Variants in DCC observed in about 807,000 individuals in gnomAD.
DCC encodes the protein DCC netrin 1 receptor.
In DCC, 58 loss-of-function variants were observed where a neutral mutation model predicts 172.5. The ratio of observed to expected loss-of-function variants is 0.34; its 90% CI spans 0.27 to 0.42. DCC has a LOEUF of 0.42. Among genes scored for constraint, DCC ranks in the 10% least tolerant of loss-of-function variants. The probability of loss-of-function intolerance (pLI) is 1.00; values close to 1 mark genes in which losing one functional copy is unlikely to be tolerated. For synonymous variants in DCC, 709 were observed against 644.5 expected, an observed-to-expected ratio of 1.10 and a Z score of -1.52; for missense variants, 1,740 against 1,791.0, an observed-to-expected ratio of 0.97 and a Z score of 0.51.
At chr18:53,152,511 G>A (rs926500817) in intron 7 of DCC, among the ~76,000 whole-genome samples, 7 of 151,982 alleles carry the variant, frequency 4.6e-5, no homozygotes, top group South Asian at 2.1e-4. Flanking sequence ...TTGGCTTTTC[G>A]TTATCTATAA....
chr18:52,605,389 C>T (rs185741290), intron 1 of DCC, among the ~76,000 whole-genome samples: 3 of 152,112 alleles, frequency 2.0e-5, no homozygotes, highest in Non-Finnish European at 4.4e-5. Flanking sequence ...GCAATTACAA[C>T]TAAGAAGCTA....
intron 15 of DCC, among the ~76,000 whole-genome samples, chr18:53,341,607 C>T (rs1231139645): frequency 6.6e-6 from 1 of 152,154 alleles, no homozygotes; most frequent in African/African-American, 2.4e-5. Context: ...AGTTGATACT[C>T]TTTTAACATA....
chr18:52,853,295 GA>G (rs2039005248), intron 2 of DCC, among the ~76,000 whole-genome samples: 1 of 152,196 alleles, frequency 6.6e-6, no homozygotes, highest in Non-Finnish European at 1.5e-5. Context: ...TTCAAATGAA[GA>G]AGTGAATAAC....
intron 5 of DCC, among the ~76,000 whole-genome samples, chr18:52,952,975 G>T (rs1194763180): frequency 8.5e-6 from 1 of 117,898 alleles, no homozygotes; most frequent in East Asian, 2.7e-4. Context: ...TCCAGCCTGG[G>T]CACCACAGTA....
intron 2 of DCC, among the ~76,000 whole-genome samples, chr18:52,767,799 T>G (rs888436117): frequency 1.3e-5 from 2 of 152,204 alleles, no homozygotes; most frequent in Non-Finnish European, 2.9e-5. Context: ...ATGTTGCCTG[T>G]GTAGTTATGT....
At chr18:53,073,450 T>C (rs2042682715) in intron 7 of DCC, among the ~76,000 whole-genome samples, 1 of 151,944 alleles carries the variant, frequency 6.6e-6, no homozygotes, top group African/African-American at 2.4e-5. Flanking sequence ...GTATGAAACC[T>C]GGGGGGCGGA....
At chr18:52,978,033 G>A (rs2041151137) in intron 5 of DCC, among the ~76,000 whole-genome samples, 1 of 151,794 alleles carries the variant, frequency 6.6e-6, no homozygotes, top group Middle Eastern at 3.2e-3. Flanking sequence ...TAGTTTACAT[G>A]TAGCATGAAG....
intron 1 of DCC, among the ~76,000 whole-genome samples, chr18:52,342,355 G>T (rs1021421969): frequency 2.6e-5 from 4 of 151,586 alleles, no homozygotes; most frequent in African/African-American, 9.7e-5. Flanking sequence ...CTTAGCCGCT[G>T]GTGCTCCCTC....
intron 12 of DCC, among the ~76,000 whole-genome samples, chr18:53,272,039 G>T (rs537401800): frequency 6.6e-6 from 1 of 152,264 alleles, no homozygotes; most frequent in Middle Eastern, 3.4e-3. Flanking sequence ...AGATGTTTCA[G>T]TTACACCCTC....
chr18:52,622,480 GT>G (rs2034498172), intron 1 of DCC, among the ~76,000 whole-genome samples: 1 of 152,192 alleles, frequency 6.6e-6, no homozygotes, highest in African/African-American at 2.4e-5. Context: ...GCTGCTCCAG[GT>G]TCCAACTATG....
At chr18:52,816,713 C>T (rs571029063) in intron 2 of DCC, 3 of 152,228 alleles carry the variant, frequency 2.0e-5, no homozygotes, top group East Asian at 1.9e-4. Flanking sequence ...GGATGACACT[C>T]GCTAGAGAGT....
intron 2 of DCC, among the ~76,000 whole-genome samples, chr18:52,770,021 C>T (rs1444513741): frequency 6.6e-6 from 1 of 152,196 alleles, no homozygotes; most frequent in Non-Finnish European, 1.5e-5. Context: ...CAATATATTT[C>T]ATACACAGAG....
At chr18:52,741,515 T>A (rs6508154) in intron 1 of DCC, among the ~76,000 whole-genome samples, 56,614 of 151,986 alleles carry the variant, frequency 0.37, 12,249 homozygotes, top group East Asian at 0.72. Flanking sequence ...CCCCTCTCAG[T>A]TGTGACAACC....
intron 1 of DCC, among the ~76,000 whole-genome samples, chr18:52,355,859 G>A (rs1342103066): frequency 1.3e-5 from 2 of 152,158 alleles, no homozygotes; most frequent in East Asian, 3.8e-4. Flanking sequence ...AGAATGCAGA[G>A]GGATTGAGTC....
chr18:52,430,930 C>A (rs1311357332), intron 1 of DCC, among the ~76,000 whole-genome samples: 1 of 152,080 alleles, frequency 6.6e-6, no homozygotes, highest in African/African-American at 2.4e-5. Context: ...AATGCCCAAA[C>A]CTTTTAGAGG....
At chr18:52,580,136 CAA>C (rs1016568016) in intron 1 of DCC, among the ~76,000 whole-genome samples, 2 of 152,248 alleles carry the variant, frequency 1.3e-5, no homozygotes, top group African/African-American at 4.8e-5. Flanking sequence ...AATTTCCACT[CAA>C]GAGTGGACCA....
intron 5 of DCC, among the ~76,000 whole-genome samples, chr18:52,929,144 CAGA>C (rs2145498080): frequency 6.6e-6 from 1 of 152,216 alleles, no homozygotes; most frequent in East Asian, 1.9e-4. Flanking sequence ...AGTATTGAGG[CAGA>C]AGTATTCAAC....
intron 8 of DCC, among the ~76,000 whole-genome samples, chr18:53,177,202 G>C (rs2055114300): frequency 6.6e-6 from 1 of 151,378 alleles, no homozygotes; most frequent in South Asian, 2.1e-4. Context: ...GCGGGGGAGG[G>C]ATAGCACTGG....
At chr18:53,153,537 G>A (rs1362947198) in intron 7 of DCC, among the ~76,000 whole-genome samples, 1 of 152,110 alleles carries the variant, frequency 6.6e-6, no homozygotes, top group Non-Finnish European at 1.5e-5. Context: ...GTCTCCGATA[G>A]AATTTTTTCA....
Sources: allele counts gnomAD v4.1 joint callset (sites outside exome capture counted in the v4.1 genomes callset), GRCh38; gene constraint gnomAD v4.1.1; transcripts MANE v1.5; gene names NCBI Gene and HGNC (gene_info 2026-07-23, HGNC 2026-07-21).